The following PTPRT variants were observed in gnomAD, a reference collection of about 807,000 sequenced individuals.
The protein encoded by PTPRT is receptor-type tyrosine-protein phosphatase T.
A neutral mutation model predicts 176.8 loss-of-function variants in PTPRT; 56 were observed. That is an observed-to-expected ratio of 0.32 (90% confidence interval 0.26 to 0.40). PTPRT has a LOEUF of 0.40. Ranked by LOEUF, PTPRT falls within the 10% of genes least tolerant of loss-of-function variation. PTPRT has a pLI of 1.00. For missense variants in PTPRT, 1,540 were observed against 1,908.2 expected, an observed-to-expected ratio of 0.81 and a Z score of 3.60; for synonymous variants, 783 against 739.0, an observed-to-expected ratio of 1.06 and a Z score of -0.96.
intron 2 of PTPRT, among the ~76,000 whole-genome samples, chr20:42,825,700 G>T (rs1406139491): frequency 2.0e-5 from 3 of 152,024 alleles, no homozygotes; most frequent in Non-Finnish European, 4.4e-5. Context: ...GAATTAAAAA[G>T]ACATAAACAA....
intron 9 of PTPRT, among the ~76,000 whole-genome samples, chr20:42,378,716 T>C (rs2058672108): frequency 6.6e-6 from 1 of 152,202 alleles, no homozygotes; most frequent in African/African-American, 2.4e-5. Context: ...TATTTGAATA[T>C]TGATTCCTCC....
rs1569038039 is a variant in PTPRT, at chr20:42,633,993, T to TAATATATATATAATATTATATATA, written c.1153+43872_1153+43873insTATATATAATATTATATATATATT. Among the ~76,000 whole-genome samples the TAATATATATATAATATTATATATA allele has an allele frequency of 3.2e-3, 76 of 23,840 alleles. 10 individuals are homozygous for TAATATATATATAATATTATATATA. The highest frequency in any genetic ancestry group is 0.015 in the African/African-American group (73 of 4,816). 15.6% of individuals were successfully genotyped at this position (23,840 alleles called of 152,430 possible). On this transcript the variant is annotated intron_variant, in intron 7 of 30. Transcript: ENST00000373187. Reference sequence around the variant, plus strand: ...TTATAATATATTATATATTATATTATATATATTATATATATATAATATATA... The same window carrying TAATATATATATAATATTATATATA: ...TTATAATATATTATATATTATATTATAATATATATATAATATTATATATAATATATTATATATATATAATATATA...
intron 9 of PTPRT, among the ~76,000 whole-genome samples, chr20:42,428,341 C>A (rs1220910061): frequency 6.6e-6 from 1 of 152,134 alleles, no homozygotes; most frequent in African/African-American, 2.4e-5. Context: ...TTTCATTTTT[C>A]TTTTTAAATA....
chr20:42,774,362 G>A (rs1313633392), intron 4 of PTPRT, among the ~76,000 whole-genome samples: 1 of 152,188 alleles, frequency 6.6e-6, no homozygotes, highest in Non-Finnish European at 1.5e-5. Context: ...GGTGAGGACT[G>A]GAGGGAACTG....
chr20:42,199,190 G>A, intron 16 of PTPRT, 50 bp downstream of exon 16: 4 of 1,596,270 alleles, frequency 2.5e-6, no homozygotes, highest in Non-Finnish European at 3.4e-6. Flanking sequence ...GAAGTACTAG[G>A]GCTGAGCTGG....
intron 2 of PTPRT, among the ~76,000 whole-genome samples, chr20:42,881,857 G>A (rs1437317557): frequency 6.6e-6 from 1 of 152,076 alleles, no homozygotes; most frequent in Non-Finnish European, 1.5e-5. Flanking sequence ...AAGGACCCGT[G>A]CCAAGAAAGA....
At chr20:42,507,188 T>C (rs1268628558) in intron 7 of PTPRT, among the ~76,000 whole-genome samples, 1 of 152,166 alleles carries the variant, frequency 6.6e-6, no homozygotes, top group East Asian at 1.9e-4. Context: ...AGAGGACCTA[T>C]AGGGCTATGC....
chr20:42,707,326 G>T (rs2076075605), intron 6 of PTPRT, among the ~76,000 whole-genome samples: 1 of 152,020 alleles, frequency 6.6e-6, no homozygotes, highest in South Asian at 2.1e-4. Flanking sequence ...ATAATCCTTG[G>T]GAGCATGCAT....
chr20:42,425,891 A>C (rs2059158782), intron 9 of PTPRT, among the ~76,000 whole-genome samples: 1 of 152,134 alleles, frequency 6.6e-6, no homozygotes, highest in Non-Finnish European at 1.5e-5. Flanking sequence ...AAGAAGTACA[A>C]AGGTAAAGAG....
At chr20:42,193,907 C>T (rs1471790075) in intron 16 of PTPRT, among the ~76,000 whole-genome samples, 1 of 151,864 alleles carries the variant, frequency 6.6e-6, no homozygotes, top group Non-Finnish European at 1.5e-5. Flanking sequence ...TGGATATATC[C>T]CCAAATTCTT....
chr20:42,494,826 A>G (rs2071624869), intron 7 of PTPRT, among the ~76,000 whole-genome samples: 1 of 152,192 alleles, frequency 6.6e-6, no homozygotes, highest in Non-Finnish European at 1.5e-5. Flanking sequence ...GATACGTGAA[A>G]TAAATGTTTC....
intron 6 of PTPRT, among the ~76,000 whole-genome samples, chr20:42,753,748 C>T (rs2076794270): frequency 6.6e-6 from 1 of 152,234 alleles, no homozygotes; most frequent in Non-Finnish European, 1.5e-5. Context: ...CCCCGTAAAC[C>T]CTGGCCACCT....
rs868490532 is a variant in PTPRT at position 42,533,631 on chromosome 20, C to T, written c.1154-61069G>A. On this transcript the variant is annotated intron_variant, in intron 7 of 30. Coordinates refer to ENST00000373187, the MANE Select transcript of PTPRT (RefSeq NM_007050.6). ...TTGGGCAAGTAACCTCTAGGTGCCT[C>T]AGTTTCCTCATCTCTAAAATAGGGA... 9.2e-5 allele frequency among the ~76,000 whole-genome samples: 14 copies of T among 152,308 alleles called. No homozygotes were observed. In the East Asian group the frequency reaches 9.7e-4, roughly 11 times the overall value.
At chr20:42,795,291 C>A (rs544617143) in intron 2 of PTPRT, among the ~76,000 whole-genome samples, 1 of 152,282 alleles carries the variant, frequency 6.6e-6, no homozygotes, top group South Asian at 2.1e-4. Context: ...AGGAAGTACT[C>A]TCTGGCTGGC....
chr20:43,107,626 G>C lies in PTPRT; in HGVS notation c.88+82020C>G, dbSNP rs75121508. Among the ~76,000 whole-genome samples the C allele has an allele frequency of 4.1e-3, 625 of 152,296 alleles. 6 individuals carry two copies. Among genetic ancestry groups the C allele is most frequent in the African/African-American group, 0.014 (587 of 41,564 alleles). ...CACGTTAACAGGCACTTTGTTCTCA[G>C]CTTAAAGGATCAATATCGCAATTAC... On this transcript the variant is annotated intron_variant, in intron 1 of 30. Coordinates refer to ENST00000373187, the MANE Select transcript of PTPRT (RefSeq NM_007050.6).
chr20:42,102,310 A>C lies in PTPRT; in HGVS notation c.3541-13T>G. ...CAATGTTGAGGGTCTGTGGGGCACAAAGGTGAATAGATAGGCCCTGCTCAT... is the reference window on the plus strand; with the variant it reads ...CAATGTTGAGGGTCTGTGGGGCACACAGGTGAATAGATAGGCCCTGCTCAT... On this transcript the variant is annotated splice_polypyrimidine_tract_variant and intron_variant, in intron 25 of 30. Transcript: ENST00000373187. 1 of 1,612,040 alleles carries C rather than the reference A, an allele frequency of 6.2e-7. No individual in the cohort carries two copies. Among genetic ancestry groups the C allele is most frequent in the South Asian group, 1.1e-5 (1 of 91,000 alleles).
chr20:43,176,806 T>A (rs1446365708), intron 1 of PTPRT, among the ~76,000 whole-genome samples: 1 of 152,168 alleles, frequency 6.6e-6, no homozygotes, highest in Admixed American at 6.5e-5. Flanking sequence ...GATGCCCAGA[T>A]TATTAGTATG....
intron 6 of PTPRT, among the ~76,000 whole-genome samples, chr20:42,711,759 C>T (rs568791709): frequency 2.0e-5 from 3 of 151,378 alleles, no homozygotes; most frequent in Non-Finnish European, 2.9e-5. Context: ...TTTCTAGCCT[C>T]GGACTTATGG....
chr20:43,119,077 A>G (rs374188739), intron 1 of PTPRT, among the ~76,000 whole-genome samples: 11 of 152,254 alleles, frequency 7.2e-5, no homozygotes, highest in African/African-American at 2.7e-4. Flanking sequence ...GCAAATTACA[A>G]TATAACCTTT....
Sources: gnomAD v4.1 joint callset for allele counts (sites outside exome capture counted in the v4.1 genomes callset) on GRCh38, gnomAD v4.1.1 for gene constraint, MANE v1.5 for transcripts, NCBI Gene and HGNC (gene_info 2026-07-23, HGNC 2026-07-21) for gene names.